Variants in DRC11 observed in about 807,000 individuals in gnomAD.
DRC11 encodes IQ and AAA domain-containing protein 1.
At chr2:236,403,478 C>G in the DRC11 span, among the ~76,000 whole-genome samples, 1 of 151,568 alleles carries the variant, frequency 6.6e-6, no homozygotes, top group Non-Finnish European at 1.5e-5. Flanking sequence ...AAGGGAATGG[C>G]CCCTTGGGAC....
chr2:236,422,973 G>A, the DRC11 span, among the ~76,000 whole-genome samples: 13 of 151,920 alleles, frequency 8.6e-5, no homozygotes, highest in Non-Finnish European at 1.9e-4. Context: ...TTTAATAAAT[G>A]GTGCTGGGAA....
At chr2:236,461,015 C>T in the DRC11 span, among the ~76,000 whole-genome samples, 1 of 152,120 alleles carries the variant, frequency 6.6e-6, no homozygotes, top group Non-Finnish European at 1.5e-5. This position sits in a 1 kb window ranked among gnomAD's most constrained non-coding sequence, Gnocchi z 4.0. Flanking sequence ...CTCAGCCTCT[C>T]AAAGTATAGG....
At chr2:236,357,602 A>AAT in the DRC11 span, among the ~76,000 whole-genome samples, 8 of 126,004 alleles carry the variant, frequency 6.3e-5, no homozygotes, top group East Asian at 9.3e-4. Flanking sequence ...CATTTATGTA[A>AAT]ATATATATTT....
chr2:236,496,460 G>A, the DRC11 span, among the ~76,000 whole-genome samples: 9 of 152,352 alleles, frequency 5.9e-5, no homozygotes, highest in South Asian at 1.9e-3. The surrounding 1 kb of genome is among the most constrained non-coding windows in gnomAD (Gnocchi z 6.3). Flanking sequence ...ACTGAGGGGA[G>A]GTGGCCAGTG....
At chr2:236,457,630 T>C in the DRC11 span, among the ~76,000 whole-genome samples, 1 of 152,194 alleles carries the variant, frequency 6.6e-6, no homozygotes, top group Non-Finnish European at 1.5e-5. This position sits in a 1 kb window ranked among gnomAD's most constrained non-coding sequence, Gnocchi z 4.7. Context: ...GAGATGATTG[T>C]GGATTAGCCA....
At chr2:236,480,763 C>T in the DRC11 span, among the ~76,000 whole-genome samples, 11 of 152,154 alleles carry the variant, frequency 7.2e-5, no homozygotes, top group African/African-American at 2.7e-4. Flanking sequence ...GTCACATTTC[C>T]TGTTTGCTGT....
the DRC11 span, among the ~76,000 whole-genome samples, chr2:236,376,749 A>G: frequency 6.6e-6 from 1 of 152,200 alleles, no homozygotes; most frequent in East Asian, 1.9e-4. This position sits in a 1 kb window ranked among gnomAD's most constrained non-coding sequence, Gnocchi z 5.7. Flanking sequence ...TGGAGGCCTT[A>G]GGTGCTGCCC....
chr2:236,310,909 G>A, the DRC11 span, among the ~76,000 whole-genome samples: 20 of 152,196 alleles, frequency 1.3e-4, no homozygotes, highest in Non-Finnish European at 5.9e-5. The surrounding 1 kb of genome is among the most constrained non-coding windows in gnomAD (Gnocchi z 5.5). Context: ...CCCATTCACC[G>A]ATCTGTCAGT....
the DRC11 span, among the ~76,000 whole-genome samples, chr2:236,358,803 C>G: frequency 6.7e-6 from 1 of 148,838 alleles, no homozygotes; most frequent in African/African-American, 2.5e-5. Context: ...GAGGTCTGAC[C>G]TCTGGATTTC....
chr2:236,450,820 T>C, the DRC11 span, among the ~76,000 whole-genome samples: 1 of 152,232 alleles, frequency 6.6e-6, no homozygotes. Context: ...TTACCTTGTT[T>C]TTCTTTATAA....
the DRC11 span, among the ~76,000 whole-genome samples, chr2:236,474,122 A>G: frequency 1.3e-5 from 2 of 152,212 alleles, no homozygotes; most frequent in Non-Finnish European, 2.9e-5. Flanking sequence ...GCCAGTGAAC[A>G]GAAGACAACA....
the DRC11 span, among the ~76,000 whole-genome samples, chr2:236,469,352 T>G: frequency 6.6e-6 from 1 of 152,018 alleles, no homozygotes; most frequent in Non-Finnish European, 1.5e-5. The surrounding 1 kb of genome is among the most constrained non-coding windows in gnomAD (Gnocchi z 5.8). Flanking sequence ...ACTATAGGAG[T>G]GCACCACCAT....
At chr2:236,491,231 ATATATATATACACAG>A in the DRC11 span, among the ~76,000 whole-genome samples, 26 of 69,534 alleles carry the variant, frequency 3.7e-4, 2 homozygotes, top group South Asian at 1.0e-3. Flanking sequence ...ATATATATAT[ATATATATATACACAG>A]TATATATATA....
the DRC11 span, chr2:236,465,458 G>A: frequency 9.4e-6 from 14 of 1,482,502 alleles, no homozygotes; most frequent in South Asian, 1.5e-4. The surrounding 1 kb of genome is among the most constrained non-coding windows in gnomAD (Gnocchi z 6.2). Flanking sequence ...AATAACCTCA[G>A]CCACTAAAGA....
the DRC11 span, among the ~76,000 whole-genome samples, chr2:236,357,340 A>T: frequency 1.2e-5 from 1 of 80,552 alleles, no homozygotes. Context: ...ATATATGAAT[A>T]TATATATTAT....
the DRC11 span, among the ~76,000 whole-genome samples, chr2:236,435,593 T>C: frequency 6.6e-6 from 1 of 151,974 alleles, no homozygotes; most frequent in African/African-American, 2.4e-5. Flanking sequence ...TCTTACATGG[T>C]GGTAGGAGAG....
the DRC11 span, among the ~76,000 whole-genome samples, chr2:236,378,438 C>T: frequency 1.3e-5 from 2 of 152,134 alleles, no homozygotes. Flanking sequence ...CTTTGGGAGG[C>T]TAGGGTGGGC....
chr2:236,499,852 T>A, the DRC11 span, among the ~76,000 whole-genome samples: 1 of 152,228 alleles, frequency 6.6e-6, no homozygotes, highest in Non-Finnish European at 1.5e-5. This position sits in a 1 kb window ranked among gnomAD's most constrained non-coding sequence, Gnocchi z 4.7. Flanking sequence ...GTATCCATGG[T>A]TAACCACCCT....
chr2:236,404,178 AAGAAAAAG>A, the DRC11 span, among the ~76,000 whole-genome samples: 1 of 150,632 alleles, frequency 6.6e-6, no homozygotes, highest in African/African-American at 2.5e-5. Context: ...AAAAAAAAAA[AAGAAAAAG>A]AAAAAGAAAA....
Sources: gnomAD v4.1 joint callset for allele counts (sites outside exome capture counted in the v4.1 genomes callset) on GRCh38, gnomAD v4.1.1 for gene constraint, Gnocchi (gnomAD v3.1) non-coding constraint, MANE v1.5 for transcripts, NCBI Gene and HGNC (gene_info 2026-07-23, HGNC 2026-07-21) for gene names.